TMPRSS11D: variants seen among roughly 807,000 people sequenced by gnomAD.
TMPRSS11D encodes transmembrane serine protease 11D.
A neutral mutation model predicts 44.4 loss-of-function variants in TMPRSS11D; 32 were observed. The ratio of observed to expected loss-of-function variants is 0.72; its 90% confidence interval spans 0.54 to 0.97. TMPRSS11D has a LOEUF of 0.97. TMPRSS11D is among the 50% of genes least tolerant of loss of function. The pLI is 0.00. For missense variants in TMPRSS11D, 446 were observed against 502.6 expected, an observed-to-expected ratio of 0.89 and a Z score of 1.08; for synonymous variants, 179 against 177.9, an observed-to-expected ratio of 1.01 and a Z score of -0.05.
intron 6 of TMPRSS11D, among the ~76,000 whole-genome samples, chr4:67,834,434 A>G (rs1030230120): frequency 6.6e-6 from 1 of 152,166 alleles, no homozygotes; most frequent in Non-Finnish European, 1.5e-5. Context: ...CACCCATAGG[A>G]CTACCATCAC....
intron 4 of TMPRSS11D, among the ~76,000 whole-genome samples, chr4:67,841,137 A>G (rs186603178): frequency 6.6e-6 from 1 of 152,272 alleles, no homozygotes; most frequent in East Asian, 1.9e-4. Context: ...GATGGTACCA[A>G]GTAGATGGCT....
At chr4:67,871,641 A>G (rs1310517467) in intron 1 of TMPRSS11D, among the ~76,000 whole-genome samples, 1 of 152,210 alleles carries the variant, frequency 6.6e-6, no homozygotes, top group Non-Finnish European at 1.5e-5. Flanking sequence ...CTGCTGTCTT[A>G]CACTTAATAT....
In TMPRSS11D at chr4:67,833,255, C is replaced by A. The variant is rs1489449204; in HGVS notation, c.641G>T (p.Gly214Val). 6.3e-7 allele frequency: 1 copy of A among 1,580,970 alleles called. No homozygotes were observed. Among genetic ancestry groups the A allele is most frequent in the Non-Finnish European group, 8.6e-7 (1 of 1,164,828 alleles). ...GATCCACATGTTATTGATCAGGCTG[C>A]CTCCACAGTGGTGGGCATTATTGAG... ...LRLNNAHHCG[G>V]SLINNMWILT... is the part of the protein sequence containing the mutation. The change falls in exon 7 of 10, where the codon GGC becomes GTC. Residue 214 changes from glycine (G) to valine (V), a missense_variant. Physicochemically the swap from Gly to Val is moderately radical, Grantham distance 109. Transcript: ENST00000283916.
chr4:67,823,201 C>T (rs1371105486), intron 9 of TMPRSS11D, among the ~76,000 whole-genome samples: 4 of 152,102 alleles, frequency 2.6e-5, no homozygotes, highest in Non-Finnish European at 2.9e-5. Flanking sequence ...TAGCACCCTG[C>T]GTGGTGTCTG....
intron 1 of TMPRSS11D, among the ~76,000 whole-genome samples, chr4:67,862,866 T>A (rs978895381): frequency 2.0e-5 from 3 of 151,566 alleles, no homozygotes; most frequent in Non-Finnish European, 4.4e-5. Context: ...ATGAGAACAC[T>A]TGGACACAGG....
intron 6 of TMPRSS11D, 78 bp from the exon 7 acceptor site, chr4:67,833,459 A>C: frequency 7.7e-7 from 1 of 1,291,460 alleles, no homozygotes; most frequent in East Asian, 2.8e-5. Flanking sequence ...GTCTTTCCAT[A>C]ATTTATGACT....
chr4:67,827,737 C>A (rs1380951871), intron 7 of TMPRSS11D, among the ~76,000 whole-genome samples: 1 of 152,058 alleles, frequency 6.6e-6, no homozygotes, highest in Non-Finnish European at 1.5e-5. Context: ...TTTTAGAAAA[C>A]ATATCGTGGG....
intron 1 of TMPRSS11D, among the ~76,000 whole-genome samples, chr4:67,879,220 G>A (rs1025154770): frequency 1.3e-5 from 2 of 151,928 alleles, no homozygotes; most frequent in South Asian, 2.1e-4. Context: ...AGTGGCTCAC[G>A]CCTGTAATCC....
intron 5 of TMPRSS11D, among the ~76,000 whole-genome samples, chr4:67,836,406 G>A (rs1718089737): frequency 6.6e-6 from 1 of 152,038 alleles, no homozygotes. Context: ...TTCAAGACAG[G>A]TTTCCACGCT....
intron 8 of TMPRSS11D, among the ~76,000 whole-genome samples, chr4:67,826,573 A>T (rs1025979323): frequency 1.4e-4 from 21 of 152,198 alleles, no homozygotes; most frequent in African/African-American, 5.1e-4. Context: ...ATGTTTATAT[A>T]CACATCGAGT....
At chr4:67,843,207 G>C (rs1718275841) in intron 3 of TMPRSS11D, among the ~76,000 whole-genome samples, 1 of 142,124 alleles carries the variant, frequency 7.0e-6, no homozygotes, top group South Asian at 2.3e-4. Flanking sequence ...TTTAGAAATT[G>C]AGTCTCACTA....
intron 1 of TMPRSS11D, among the ~76,000 whole-genome samples, chr4:67,867,834 T>C (rs540218955): frequency 1.2e-3 from 176 of 152,264 alleles, no homozygotes; most frequent in South Asian, 8.5e-3. Context: ...TTGGTGAGGA[T>C]GCAGAGAAAA....
chr4:67,833,429 C>T, intron 6 of TMPRSS11D, 48 bp from the exon 7 acceptor site: 5 of 1,363,128 alleles, frequency 3.7e-6, no homozygotes, highest in Non-Finnish European at 4.8e-6. Flanking sequence ...GATTCCTTTA[C>T]ATTTGGAAGA....
intron 3 of TMPRSS11D, among the ~76,000 whole-genome samples, chr4:67,853,755 A>T (rs1718563640): frequency 6.6e-6 from 1 of 152,238 alleles, no homozygotes; most frequent in African/African-American, 2.4e-5. Flanking sequence ...AGGTAAAATG[A>T]AAAGAATTTA....
chr4:67,875,387 C>A (rs1577833799), intron 1 of TMPRSS11D, among the ~76,000 whole-genome samples: 1 of 152,164 alleles, frequency 6.6e-6, no homozygotes, highest in African/African-American at 2.4e-5. Context: ...TCTTCATCAC[C>A]TTCACACCGT....
At chr4:67,860,863 G>A (rs1159094729) in intron 1 of TMPRSS11D, among the ~76,000 whole-genome samples, 1 of 152,034 alleles carries the variant, frequency 6.6e-6, no homozygotes, top group East Asian at 1.9e-4. Context: ...ATGTTGCCTG[G>A]TATTGTTTGG....
At chr4:67,883,182 A>T (rs1719362825) in intron 1 of TMPRSS11D, among the ~76,000 whole-genome samples, 1 of 152,048 alleles carries the variant, frequency 6.6e-6, no homozygotes, top group African/African-American at 2.4e-5. Context: ...TTTCAGCATG[A>T]CTTATCAGTA....
chr4:67,826,571 A>C (rs1189540482), intron 8 of TMPRSS11D, among the ~76,000 whole-genome samples: 1 of 152,060 alleles, frequency 6.6e-6, no homozygotes, highest in Non-Finnish European at 1.5e-5. Context: ...CAATGTTTAT[A>C]TACACATCGA....
chr4:67,837,799 C>G (rs1483196146), intron 5 of TMPRSS11D, among the ~76,000 whole-genome samples: 1 of 136,220 alleles, frequency 7.3e-6, no homozygotes, highest in Non-Finnish European at 1.6e-5. Context: ...ATAAATGTTA[C>G]AAAGAAAAAT....
Sources: allele counts gnomAD v4.1 joint callset (sites outside exome capture counted in the v4.1 genomes callset), GRCh38; gene constraint gnomAD v4.1.1; transcripts MANE v1.5; gene names NCBI Gene and HGNC (gene_info 2026-07-23, HGNC 2026-07-21).